JPT1: variants seen among roughly 807,000 people sequenced by gnomAD.
JPT1 encodes the protein Jupiter microtubule associated homolog 1.
A neutral mutation model predicts 17.0 loss-of-function variants in JPT1; 5 were observed. That is an observed-to-expected ratio of 0.29 (90% CI 0.15 to 0.62). The LOEUF (loss-of-function observed/expected upper bound fraction) is 0.62. Among genes scored for constraint, JPT1 ranks in the 20% least tolerant of loss-of-function variants. The pLI is 0.85. For missense variants in JPT1, 158 were observed against 188.1 expected, an observed-to-expected ratio of 0.84 and a Z score of 0.94; for synonymous variants, 71 against 73.6, an observed-to-expected ratio of 0.96 and a Z score of 0.18.
intron 1 of JPT1, among the ~76,000 whole-genome samples, 194 bp from the exon 2 acceptor site, chr17:75,148,865 A>G (rs774555788): frequency 4.6e-5 from 7 of 152,190 alleles, no homozygotes; most frequent in Admixed American, 1.3e-4. Flanking sequence ...GATACTAAAT[A>G]CTGCTTTATA....
Position 75,135,756 on chromosome 17 carries a change from G to C in JPT1, c.*346C>G. 1 of 427,828 alleles carries C rather than the reference G, an allele frequency of 2.3e-6. No individual in the cohort carries two copies. The highest frequency in any genetic ancestry group is 4.2e-6 in the Non-Finnish European group (1 of 235,800). The allele number at this position is 427,828 out of a possible 1,614,324, so 26.5% of individuals were successfully genotyped here. A position where few individuals can be genotyped will look rare whatever the true frequency, so the allele number is the denominator to read the frequency against. On this transcript the variant is annotated 3_prime_UTR_variant, in exon 5 of 5. Coordinates refer to ENST00000409753, the MANE Select transcript of JPT1 (RefSeq NM_016185.4). ...GGTGCCTGTGGACTGTTTATGGTCT[G>C]TCCAGTTGAGGCTTGGTAAACCCAA...
chr17:75,151,325 G>T (rs1263061706), intron 1 of JPT1, among the ~76,000 whole-genome samples: 1 of 151,292 alleles, frequency 6.6e-6, no homozygotes, highest in Non-Finnish European at 1.5e-5. Context: ...AAAAGAGTGA[G>T]ACTCCGTCTC....
intron 1 of JPT1, among the ~76,000 whole-genome samples, chr17:75,152,519 G>A (rs1453846276): frequency 1.3e-5 from 2 of 152,136 alleles, no homozygotes; most frequent in African/African-American, 2.4e-5. Flanking sequence ...TAATATTGGA[G>A]GGAAATTGAT....
chr17:75,154,367 C>T lies in JPT1; in HGVS notation c.31G>A (p.Asp11Asn). The change falls in exon 1 of 5, where the codon GAC (aspartate) becomes AAC (asparagine). Residue 11 changes from aspartate to asparagine, a missense_variant. Transcript: ENST00000409753. The stretch of plus-strand genomic sequence containing the variant: ...CGGGAGCTATTCCTGCTGTTGGGGT[C>T]GACTCCCTTGAAGGTGGTGGTTGTG... Reference protein sequence around the residue: MTTTTTFKGVDPNSRNSSRVL... With the variant: MTTTTTFKGVNPNSRNSSRVL... The T allele has an allele frequency of 6.5e-7, 1 of 1,548,936 alleles. No homozygotes were observed.
Position 75,149,016 on chromosome 17 carries a change from T to C in JPT1, c.57-345A>G, listed in dbSNP as rs554284791. 3.6e-5 allele frequency: 46 copies of C among 1,273,448 alleles called. No homozygotes were observed. The African/African-American group carries it at 6.6e-4, about 18-fold the overall frequency. The allele number at this position is 1,273,448 out of a possible 1,614,324, so 78.9% of individuals were successfully genotyped here. On this transcript the variant is annotated intron_variant, in intron 1 of 4. Transcript: ENST00000409753. The stretch of plus-strand genomic sequence containing the variant: ...TTACTCTACTGGGCTTGGCTGAATA[T>C]ACTTTCAAAGAAGTTTAGAAGTATT...
At chr17:75,140,402 A>T (rs2145165462) in intron 4 of JPT1, among the ~76,000 whole-genome samples, 1 of 152,280 alleles carries the variant, frequency 6.6e-6, no homozygotes, top group South Asian at 2.1e-4. Context: ...TGAATAGAAA[A>T]TGATTCATTG....
At position 75,147,347 on chromosome 17, in the gene JPT1, T is replaced by TC. The variant is rs1463330832; in HGVS notation, c.297+208dup. On this transcript the variant is annotated intron_variant, in intron 3 of 4. Transcript: ENST00000409753. ...AAATCAATAGGGGAGATAAAACAAA[T>TC]CCTAATGGTAAAAGAGATACAGAAA... Among the ~76,000 whole-genome samples the TC allele has an allele frequency of 3.3e-5, 5 of 152,156 alleles. No individual in the cohort carries two copies. The East Asian group carries it at 7.7e-4, about 23-fold the overall frequency.
intron 4 of JPT1, among the ~76,000 whole-genome samples, chr17:75,137,207 G>A (rs1258284242): frequency 6.6e-6 from 1 of 152,094 alleles, no homozygotes; most frequent in Admixed American, 6.6e-5. Flanking sequence ...CTCTCATTAG[G>A]GTTGTTTCTA....
chr17:75,141,519 G>T (rs2074307650), intron 4 of JPT1, among the ~76,000 whole-genome samples: 1 of 151,886 alleles, frequency 6.6e-6, no homozygotes. Flanking sequence ...TAGGCATGGT[G>T]GTGCATGCCT....
chr17:75,148,731 CTT>C, intron 1 of JPT1, 60 bp from the exon 2 acceptor site: 1 of 1,585,878 alleles, frequency 6.3e-7, no homozygotes, highest in African/African-American at 1.3e-5. Flanking sequence ...TGGCATAAAT[CTT>C]TTCAGACAAC....
intron 4 of JPT1, among the ~76,000 whole-genome samples, chr17:75,144,895 G>A (rs905620244): frequency 3.3e-5 from 5 of 152,084 alleles, no homozygotes; most frequent in African/African-American, 7.2e-5. Flanking sequence ...GGAAAAACAC[G>A]TTTGAGTGTT....
At chr17:75,137,528 GTTTTTT>G (rs1555650493) in intron 4 of JPT1, among the ~76,000 whole-genome samples, 1 of 133,200 alleles carries the variant, frequency 7.5e-6, no homozygotes, top group Admixed American at 7.4e-5. Flanking sequence ...GGCTATTTTT[GTTTTTT>G]TTTTTTTTTT....
chr17:75,144,636 C>A (rs2074389242), intron 4 of JPT1, among the ~76,000 whole-genome samples: 1 of 152,110 alleles, frequency 6.6e-6, no homozygotes, highest in Non-Finnish European at 1.5e-5. Flanking sequence ...TCACAGGAAC[C>A]CCAATTTGAA....
chr17:75,139,093 A>G (rs189306066), intron 4 of JPT1, among the ~76,000 whole-genome samples: 144 of 152,356 alleles, frequency 9.5e-4, no homozygotes, highest in Non-Finnish European at 1.7e-3. Flanking sequence ...AAGTCCTACA[A>G]TAAGTGTCCC....
intron 4 of JPT1, among the ~76,000 whole-genome samples, chr17:75,144,586 G>A (rs1460052236): frequency 1.3e-5 from 2 of 152,124 alleles, no homozygotes; most frequent in African/African-American, 2.4e-5. Flanking sequence ...AGTTCTTTCT[G>A]TGAACCTCTC....
At position 75,136,054 on chromosome 17, in the gene JPT1, C is replaced by A; in HGVS notation, c.*48G>T. 6.2e-7 allele frequency: 1 copy of A among 1,614,086 alleles called. No individual in the cohort carries two copies. Among genetic ancestry groups the A allele is most frequent in the Non-Finnish European group, 8.5e-7 (1 of 1,180,000 alleles). On this transcript the variant is annotated 3_prime_UTR_variant, in exon 5 of 5. Coordinates refer to ENST00000409753, the MANE Select transcript of JPT1 (RefSeq NM_016185.4). The stretch of plus-strand genomic sequence containing the variant: ...AGTCAGGCTCAAGTTGTGCAGTTCA[C>A]AAGCATGGAGGAAACAGACAGAACG...
chr17:75,146,278 C>G (rs977194791), intron 4 of JPT1, among the ~76,000 whole-genome samples: 1 of 152,122 alleles, frequency 6.6e-6, no homozygotes, highest in Non-Finnish European at 1.5e-5. Context: ...CTGAGCCTCC[C>G]GAGTAGCTGG....
Position 75,136,090 on chromosome 17 carries a change from GGACA to G in JPT1, c.*8_*11del. The G allele has an allele frequency of 1.2e-6, 2 of 1,614,244 alleles. No individual in the cohort carries two copies. Among genetic ancestry groups the G allele is most frequent in the South Asian group, 2.2e-5 (2 of 91,090 alleles). On this transcript the variant is annotated 3_prime_UTR_variant, in exon 5 of 5. Coordinates refer to ENST00000409753, the MANE Select transcript of JPT1 (RefSeq NM_016185.4). ...GAAACAGACAGAACGACAGCGTTCA[GGACA>G]GTCAGAGCTAACCCAAGACGAGGCT...
intron 4 of JPT1, 118 bp downstream of exon 4, chr17:75,146,548 G>C: frequency 1.4e-6 from 1 of 693,806 alleles, no homozygotes; most frequent in South Asian, 1.8e-5. Context: ...GGCGGCACTT[G>C]GGGCATGGCC....
Sources: allele counts gnomAD v4.1 joint callset (sites outside exome capture counted in the v4.1 genomes callset), GRCh38; gene constraint gnomAD v4.1.1; transcripts MANE v1.5; gene names NCBI Gene and HGNC (gene_info 2026-07-23, HGNC 2026-07-21).